Variants in FGD5 observed in about 807,000 individuals in gnomAD.
FGD5 encodes the protein FYVE, RhoGEF and PH domain containing 5, also known as FYVE, RhoGEF and PH domain-containing protein 5.
A neutral mutation model predicts 133.4 loss-of-function variants in FGD5; 28 were observed. That is an observed-to-expected ratio of 0.21 (90% confidence interval 0.16 to 0.29). The LOEUF is 0.29. Ranked by LOEUF, FGD5 falls within the 10% of genes least tolerant of loss-of-function variation. The probability of loss-of-function intolerance (pLI) is 1.00; values close to 1 mark genes in which losing one functional copy is unlikely to be tolerated. For missense variants in FGD5, 1,858 were observed against 1,895.2 expected (o/e 0.98, Z 0.36); for synonymous variants, 810 against 776.5 (o/e 1.04, Z -0.72).
At chr3:14,846,468 A>T (rs1256947438) in intron 1 of FGD5, among the ~76,000 whole-genome samples, 1 of 152,184 alleles carries the variant, frequency 6.6e-6, no homozygotes, top group East Asian at 1.9e-4. Flanking sequence ...AACTCTCAGA[A>T]CCCATATTTC....
chr3:14,890,409 T>G (rs1055376739), intron 4 of FGD5, among the ~76,000 whole-genome samples: 1 of 152,184 alleles, frequency 6.6e-6, no homozygotes, highest in Non-Finnish European at 1.5e-5. Context: ...TCCCACTGTT[T>G]CCTCCGGGCT....
intron 4 of FGD5, among the ~76,000 whole-genome samples, chr3:14,890,082 G>A (rs370139729): frequency 1.1e-4 from 17 of 151,958 alleles, no homozygotes; most frequent in South Asian, 8.3e-4. Flanking sequence ...TATTCTCAGC[G>A]TTACACGATC....
rs1319751784 is a variant in FGD5, at chr3:14,933,413, A to G, written c.*246A>G. ...CCACCCCTACCCCCACCCGCCACCCAGTAATAAACTATTTCCTTACCCCGC... is the reference window on the plus strand; with the variant it reads ...CCACCCCTACCCCCACCCGCCACCCGGTAATAAACTATTTCCTTACCCCGC... On this transcript the variant is annotated 3_prime_UTR_variant, in exon 20 of 20. Transcript: ENST00000285046. 1.9e-6 allele frequency: 1 copy of G among 531,484 alleles called. No homozygotes were observed. Among genetic ancestry groups the G allele is most frequent in the Non-Finnish European group, 3.4e-6 (1 of 295,680 alleles). The allele number at this position is 531,484 out of a possible 1,614,324, so 32.9% of individuals were successfully genotyped here. A position where few individuals can be genotyped will look rare whatever the true frequency, so the allele number is the denominator to read the frequency against.
At position 14,811,071 on chromosome 3, in the gene FGD5, C is replaced by T. The variant is rs1223127041; in HGVS notation, c.13+206C>T. 4.9e-4 allele frequency among the ~76,000 whole-genome samples: 75 copies of T among 152,236 alleles called. No individual in the cohort carries two copies. The Middle Eastern group carries it at 0.01, about 21-fold the overall frequency. On this transcript the variant is annotated intron_variant, in intron 1 of 1. Transcript: ENST00000640506. Reference sequence around the variant, plus strand: ...GAACCGGGGGTCCCCGTCCGAAGCGCCCTGCCTCAGGGACCTTCTCAGCCT... The same window carrying T: ...GAACCGGGGGTCCCCGTCCGAAGCGTCCTGCCTCAGGGACCTTCTCAGCCT...
At chr3:14,858,420 T>G (rs1466367774) in intron 1 of FGD5, among the ~76,000 whole-genome samples, 1 of 151,934 alleles carries the variant, frequency 6.6e-6, no homozygotes, top group Non-Finnish European at 1.5e-5. Context: ...GATAGATGGG[T>G]GAATGAGTGG....
chr3:14,886,729 C>T (rs563282482), intron 4 of FGD5, among the ~76,000 whole-genome samples: 16 of 152,296 alleles, frequency 1.1e-4, no homozygotes, highest in Admixed American at 4.6e-4. Flanking sequence ...CATTTTCATG[C>T]GGCTCACAAT....
rs776022313 is a variant in FGD5, at chr3:14,819,532, C to T, written c.461C>T (p.Pro154Leu). 3.3e-5 allele frequency: 51 copies of T among 1,551,314 alleles called. No homozygotes were observed. The highest frequency in any genetic ancestry group is 4.4e-5 in the Non-Finnish European group (50 of 1,146,990). Residue 154 changes from proline (P) to leucine (L), a missense_variant, in exon 1 of 20, where the codon CCA (proline) becomes CTA (leucine). Around this residue, in one of 3 missense-constraint regions of FGD5, gnomAD observed 1,824 missense variants for 1,848.9 expected, o/e 0.99. Transcript: ENST00000285046. The surrounding 1 kb of genome is among the most constrained non-coding windows in gnomAD (Gnocchi z 4.1). ...GAAGGGGAGGGCTGCGCTGATGAGC[C>T]AGGGACACTGGAGCAGGTGTCCAGA... ...EDEGEGCADE[P>L]GTLEQVSRSE...
At chr3:14,859,822 G>T (rs2037360967) in intron 1 of FGD5, among the ~76,000 whole-genome samples, 1 of 151,746 alleles carries the variant, frequency 6.6e-6, no homozygotes, top group African/African-American at 2.4e-5. Context: ...TCTGAATTTG[G>T]TTCTATCATG....
intron 1 of FGD5, among the ~76,000 whole-genome samples, chr3:14,852,341 G>A (rs1341288909): frequency 6.6e-6 from 1 of 152,160 alleles, no homozygotes; most frequent in African/African-American, 2.4e-5. Context: ...GACCCAAAAA[G>A]CCTCATACTG....
intron 12 of FGD5, among the ~76,000 whole-genome samples, chr3:14,918,283 A>C (rs2038600214): frequency 6.6e-6 from 1 of 152,228 alleles, no homozygotes; most frequent in Non-Finnish European, 1.5e-5. Flanking sequence ...TGTCATTGTC[A>C]AGGGCAGAGG....
At chr3:14,867,541 A>G (rs903986983) in intron 2 of FGD5, among the ~76,000 whole-genome samples, 2 of 152,156 alleles carry the variant, frequency 1.3e-5, no homozygotes, top group African/African-American at 4.8e-5. Context: ...TTAAATCTCC[A>G]TATCCACTAC....
At chr3:14,900,165 G>A (rs1031598259) in intron 7 of FGD5, among the ~76,000 whole-genome samples, 1 of 152,260 alleles carries the variant, frequency 6.6e-6, no homozygotes, top group Non-Finnish European at 1.5e-5. Flanking sequence ...CCAGTGCCAG[G>A]CAGGTGCTCA....
chr3:14,913,277 A>G lies in FGD5; in HGVS notation c.3405+2348A>G, dbSNP rs530348595. ...CTGGCAGGTAGAAGCCGCTTATCTG[A>G]TAGTAGTTGTAACAGTTTCTCCCTT... On this transcript the variant is annotated intron_variant, in intron 11 of 19. Coordinates refer to ENST00000285046, the MANE Select transcript of FGD5 (RefSeq NM_152536.4). 8.6e-4 allele frequency among the ~76,000 whole-genome samples: 131 copies of G among 152,220 alleles called. 1 individual carries two copies. The highest frequency in any genetic ancestry group is 3.0e-3 in the African/African-American group (124 of 41,520).
chr3:14,813,640 A>G (rs1365546057), intron 1 of FGD5, among the ~76,000 whole-genome samples: 1 of 152,176 alleles, frequency 6.6e-6, no homozygotes, highest in Admixed American at 6.5e-5. Context: ...AGAGCAAACC[A>G]GACTGACTGA....
At chr3:14,835,449 G>A (rs1469410714) in intron 1 of FGD5, among the ~76,000 whole-genome samples, 4 of 151,612 alleles carry the variant, frequency 2.6e-5, no homozygotes, top group Non-Finnish European at 4.4e-5. Context: ...GCAGTGAGCC[G>A]AGATCACGCC....
chr3:14,819,128 C>G lies in FGD5; in HGVS notation c.57C>G (p.Asn19Lys), dbSNP rs925362198. 2 of 1,550,996 alleles carry G rather than the reference C, an allele frequency of 1.3e-6. No homozygotes were observed. Among genetic ancestry groups the G allele is most frequent in the East Asian group, 4.9e-5 (2 of 40,918 alleles). Residue 19 changes from asparagine to lysine, a missense_variant, in exon 1 of 20, where the codon AAC (asparagine) becomes AAG (lysine). Asn to Lys is a moderately conservative substitution (Grantham distance 94). Around this residue, in one of 3 missense-constraint regions of FGD5, gnomAD observed 29 missense variants for 27.6 expected, o/e 1.05. Coordinates refer to ENST00000285046, the MANE Select transcript of FGD5 (RefSeq NM_152536.4). The surrounding 1 kb of genome is among the most constrained non-coding windows in gnomAD (Gnocchi z 4.1). The part of the protein sequence containing the change: ...IAPKPRLTAP[N>K]EWRASVYLND... ...CCAAGCCCAGGCTGACTGCCCCAAA[C>G]GAGTGGAGAGCCAGTGTGTACCTGA...
chr3:14,830,582 C>T (rs957208034), intron 1 of FGD5, among the ~76,000 whole-genome samples: 3 of 152,170 alleles, frequency 2.0e-5, no homozygotes, highest in East Asian at 1.9e-4. Flanking sequence ...ATATAATTCT[C>T]GCTAATAGAA....
intron 17 of FGD5, 151 bp from the exon 18 acceptor site, chr3:14,925,919 T>G: frequency 9.8e-7 from 1 of 1,017,166 alleles, no homozygotes; most frequent in Non-Finnish European, 1.4e-6. Context: ...TCTTGCTGAC[T>G]TTGGTACTGG....
intron 1 of FGD5, among the ~76,000 whole-genome samples, chr3:14,851,092 C>T (rs1477150128): frequency 1.3e-5 from 2 of 152,156 alleles, no homozygotes; most frequent in Non-Finnish European, 2.9e-5. Context: ...AAGGGGCCCA[C>T]ACTGGTGACA....
Sources: gnomAD v4.1 joint callset for allele counts (sites outside exome capture counted in the v4.1 genomes callset) on GRCh38, gnomAD v4.1.1 for gene constraint, gnomAD v4.1.1 regional missense constraint, Gnocchi (gnomAD v3.1) non-coding constraint, MANE v1.5 for transcripts, NCBI Gene and HGNC (gene_info 2026-07-23, HGNC 2026-07-21) for gene names.